The following RNPC3 variants were observed in gnomAD, a reference collection of about 807,000 sequenced individuals.
RNPC3 encodes RNA-binding region-containing protein 3.
In RNPC3, 48 loss-of-function variants were observed where a neutral mutation model predicts 67.5. The observed-to-expected ratio is 0.71, with a 90% CI of 0.56 to 0.90. The LOEUF (loss-of-function observed/expected upper bound fraction) is 0.90. RNPC3 is among the 40% of genes least tolerant of loss of function. The probability of loss-of-function intolerance (pLI) is 0.00; values close to 1 mark genes in which losing one functional copy is unlikely to be tolerated. For missense variants in RNPC3, 637 were observed against 626.1 expected, an observed-to-expected ratio of 1.02 and a Z score of -0.19; for synonymous variants, 239 against 210.3, an observed-to-expected ratio of 1.14 and a Z score of -1.18.
At chr1:103,548,664 C>T (rs915681096) in intron 12 of RNPC3, among the ~76,000 whole-genome samples, 8 of 151,964 alleles carry the variant, frequency 5.3e-5, no homozygotes, top group Non-Finnish European at 1.0e-4. Flanking sequence ...CTTCTGAGCC[C>T]TCCAAACTGT....
chr1:103,544,760 T>G (rs1432019740), intron 9 of RNPC3, among the ~76,000 whole-genome samples, 181 bp from the exon 10 acceptor site: 2 of 151,812 alleles, frequency 1.3e-5, no homozygotes, highest in African/African-American at 4.8e-5. Flanking sequence ...AAAATTTTTT[T>G]TTTTTACTAT....
chr1:103,543,676 A>G (rs1250546822), intron 9 of RNPC3, among the ~76,000 whole-genome samples: 1 of 151,738 alleles, frequency 6.6e-6, no homozygotes, highest in Non-Finnish European at 1.5e-5. Flanking sequence ...GACCTCTAGA[A>G]TGAAATTTAG....
intron 7 of RNPC3, among the ~76,000 whole-genome samples, chr1:103,538,340 T>A (rs554016779): frequency 3.3e-5 from 5 of 152,276 alleles, no homozygotes; most frequent in African/African-American, 1.2e-4. Context: ...TTTTTGAGTT[T>A]TTTTGTTGTG....
chr1:103,525,994 T>C lies in RNPC3; in HGVS notation c.-77T>C. 8.6e-7 allele frequency: 1 copy of C among 1,163,644 alleles called. No homozygotes were observed. Among genetic ancestry groups the C allele is most frequent in the Non-Finnish European group, 1.2e-6 (1 of 845,024 alleles). 72.1% of individuals were successfully genotyped at this position (1,163,644 alleles called of 1,614,324 possible). A position where few individuals can be genotyped will look rare whatever the true frequency, so the allele number is the denominator to read the frequency against. On this transcript the variant is annotated 5_prime_UTR_variant, in exon 1 of 15. Transcript: ENST00000423855. ...CTTAGCGCGAGGCGGAAAAAATATT[T>C]CTCCCAGCTTGTGTTGATGCCGCGA... is the stretch of plus-strand genomic sequence containing the variant.
intron 13 of RNPC3, chr1:103,551,280 C>T: frequency 2.0e-6 from 1 of 492,808 alleles, no homozygotes; most frequent in South Asian, 3.2e-5. Flanking sequence ...TGAGGTTGTT[C>T]AATTTCAGCC....
intron 7 of RNPC3, 38 bp downstream of exon 7, chr1:103,537,522 CAT>C (rs907848062): frequency 1.8e-5 from 27 of 1,496,138 alleles, no homozygotes; most frequent in Middle Eastern, 1.8e-4. Context: ...TTCCAAGAAA[CAT>C]AGAATGTAAG....
At chr1:103,549,751 T>C (rs1196882886) in intron 12 of RNPC3, among the ~76,000 whole-genome samples, 1 of 152,216 alleles carries the variant, frequency 6.6e-6, no homozygotes, top group Non-Finnish European at 1.5e-5. Context: ...AGATCTTAGC[T>C]ATCTGCTTTG....
chr1:103,535,513 C>T, intron 5 of RNPC3, 72 bp downstream of exon 5: 3 of 911,386 alleles, frequency 3.3e-6, no homozygotes, highest in South Asian at 3.2e-5. Flanking sequence ...TGCTGATTCT[C>T]ATAAAAGTAA....
intron 11 of RNPC3, 83 bp downstream of exon 11, chr1:103,546,425 T>C: frequency 1.6e-6 from 1 of 618,820 alleles, no homozygotes; most frequent in South Asian, 2.5e-5. Flanking sequence ...TGTTTGAAAC[T>C]ACCTTTAAGA....
intron 14 of RNPC3, chr1:103,552,018 G>T (rs191834080): frequency 3.6e-4 from 118 of 328,690 alleles, no homozygotes; most frequent in African/African-American, 2.5e-3. Flanking sequence ...AGGGGAGTGT[G>T]CCTGTTACTC....
chr1:103,545,251 GT>G, intron 10 of RNPC3, 149 bp downstream of exon 10: 10 of 608,220 alleles, frequency 1.6e-5, no homozygotes, highest in Admixed American at 3.7e-5. Context: ...CACTTCTTCT[GT>G]TTTTTTTAAA....
At chr1:103,536,964 G>A (rs1001854766) in intron 6 of RNPC3, among the ~76,000 whole-genome samples, 1 of 152,090 alleles carries the variant, frequency 6.6e-6, no homozygotes, top group Non-Finnish European at 1.5e-5. Context: ...ACTGAGCCAC[G>A]AAAAACACCT....
At chr1:103,545,682 C>G (rs1477071765) in intron 10 of RNPC3, 1 of 152,350 alleles carries the variant, frequency 6.6e-6, no homozygotes, top group East Asian at 1.9e-4. Context: ...TTTTCTAGAA[C>G]AGATTACTGA....
At chr1:103,535,535 C>T (rs1570618565) in intron 5 of RNPC3, 94 bp downstream of exon 5, 4 of 720,848 alleles carry the variant, frequency 5.5e-6, no homozygotes, top group East Asian at 5.7e-5. Flanking sequence ...CAGACTAATT[C>T]TAGACAGCCA....
chr1:103,527,839 C>T (rs1381947148), intron 2 of RNPC3, 97 bp downstream of exon 2: 11 of 829,298 alleles, frequency 1.3e-5, no homozygotes, highest in African/African-American at 8.7e-5. Context: ...GAAGCAAAAG[C>T]GTTTGTATTC....
At chr1:103,533,716 T>C in intron 2 of RNPC3, 23 bp from the exon 3 acceptor site, 1 of 1,238,904 alleles carries the variant, frequency 8.1e-7, no homozygotes, top group Non-Finnish European at 1.1e-6. Flanking sequence ...GTGAAATGTT[T>C]ACTCTTGTTC....
chr1:103,551,905 A>C, intron 14 of RNPC3, 113 bp downstream of exon 14: 1 of 583,284 alleles, frequency 1.7e-6, no homozygotes, highest in Non-Finnish European at 3.0e-6. Context: ...TTTTTTGAGG[A>C]AATACCTATC....
chr1:103,546,738 G>A lies in RNPC3; in HGVS notation c.1303-239G>A, dbSNP rs184852575. The A allele has an allele frequency of 3.6e-4, 143 of 395,352 alleles. 1 individual carries two copies. The East Asian group carries it at 4.8e-3, about 13-fold the overall frequency. The allele number at this position is 395,352 out of a possible 1,614,324, so 24.5% of individuals were successfully genotyped here. On this transcript the variant is annotated intron_variant, in intron 11 of 14. Transcript: ENST00000423855. Reference sequence around the variant, plus strand: ...CTTCTGCTGGTATGCAGAAGCTGGCGAACTTTCACCTTCCTTGGCTTGTGG... The same window carrying A: ...CTTCTGCTGGTATGCAGAAGCTGGCAAACTTTCACCTTCCTTGGCTTGTGG...
chr1:103,551,839 ATAAAAT>A (rs1189605514), intron 14 of RNPC3, 47 bp downstream of exon 14: 2 of 1,014,788 alleles, frequency 2.0e-6, no homozygotes, highest in Non-Finnish European at 1.4e-6. Context: ...AATTCTTGAG[ATAAAAT>A]TAAGAATAAA....
Sources: allele counts gnomAD v4.1 joint callset (sites outside exome capture counted in the v4.1 genomes callset), GRCh38; gene constraint gnomAD v4.1.1; transcripts MANE v1.5; gene names NCBI Gene and HGNC (gene_info 2026-07-23, HGNC 2026-07-21).